COL4A2: variants seen among roughly 807,000 people sequenced by gnomAD.
COL4A2 encodes collagen type IV alpha 2 chain.
In COL4A2, 99 loss-of-function variants were observed where a neutral mutation model predicts 200.2. The ratio of observed to expected loss-of-function variants is 0.49; its 90% CI spans 0.42 to 0.58. The LOEUF is 0.58. COL4A2 is among the 20% of genes least tolerant of loss of function. The pLI, the probability that COL4A2 is intolerant of heterozygous loss-of-function variation, is 0.00. For synonymous variants in COL4A2, 897 were observed against 900.6 expected, an observed-to-expected ratio of 1.00 and a Z score of 0.07; for missense variants, 1,950 against 2,314.1, an observed-to-expected ratio of 0.84 and a Z score of 3.23.
chr13:110,458,669 C>T (rs1156324063), intron 21 of COL4A2, 102 bp from the exon 22 acceptor site: 11 of 1,417,844 alleles, frequency 7.8e-6, no homozygotes, highest in Admixed American at 1.9e-5. Context: ...GTCCATAAAG[C>T]ACCAAGTGTG....
chr13:110,430,711 A>G, intron 10 of COL4A2, 104 bp downstream of exon 10: 1 of 1,439,126 alleles, frequency 6.9e-7, no homozygotes, highest in Non-Finnish European at 9.8e-7. Context: ...TTTAAGAACA[A>G]CTATGATGCT....
intron 3 of COL4A2, among the ~76,000 whole-genome samples, chr13:110,325,097 G>A (rs963259456): frequency 1.3e-5 from 2 of 152,206 alleles, no homozygotes; most frequent in African/African-American, 4.8e-5. Context: ...GAAAACGTCT[G>A]CGTCCCCACA....
intron 4 of COL4A2, among the ~76,000 whole-genome samples, chr13:110,402,634 A>G (rs1305563453): frequency 6.6e-6 from 1 of 152,180 alleles, no homozygotes; most frequent in Non-Finnish European, 1.5e-5. Context: ...ACTGCCATGA[A>G]CAGAATATTA....
chr13:110,450,498 G>C (rs1170581789), intron 20 of COL4A2, 44 bp downstream of exon 20: 17 of 1,604,008 alleles, frequency 1.1e-5, no homozygotes, highest in Non-Finnish European at 1.4e-5. Flanking sequence ...CTAATGTTCA[G>C]ATGAAGCCCG....
chr13:110,506,764 C>T lies in COL4A2; in HGVS notation c.4594+158C>T, dbSNP rs185098626. Among the ~76,000 whole-genome samples the T allele has an allele frequency of 3.9e-4, 60 of 152,334 alleles. No individual in the cohort carries two copies. In the East Asian group the frequency reaches 6.2e-3, roughly 16 times the overall value. ...TTCCTCGAGTGCAGAAAGATTAAAA[C>T]GGCCTTTGAAGCAGAAGCCTTACAA... On this transcript the variant is annotated intron_variant, in intron 46 of 47. Transcript: ENST00000360467.
intron 3 of COL4A2, among the ~76,000 whole-genome samples, chr13:110,351,890 G>A (rs1876974122): frequency 6.6e-6 from 1 of 152,186 alleles, no homozygotes; most frequent in Non-Finnish European, 1.5e-5. Context: ...CCTGGCCAAT[G>A]CGCCTGGGAA....
At chr13:110,379,810 T>A (rs961611121) in intron 4 of COL4A2, among the ~76,000 whole-genome samples, 1 of 152,168 alleles carries the variant, frequency 6.6e-6, no homozygotes, top group Non-Finnish European at 1.5e-5. Flanking sequence ...GAGAGCCACG[T>A]TAGGATGGTG....
intron 4 of COL4A2, among the ~76,000 whole-genome samples, chr13:110,420,119 A>G (rs1927348): frequency 0.99 from 149,985 of 152,176 alleles, 73,943 homozygotes; most frequent in South Asian, 1. Context: ...GCAAGCCCCC[A>G]GGTGACGCCG....
intron 13 of COL4A2, among the ~76,000 whole-genome samples, chr13:110,437,573 T>C (rs1299451358): frequency 6.6e-6 from 1 of 152,346 alleles, no homozygotes; most frequent in Non-Finnish European, 1.5e-5. Flanking sequence ...CAACAGCCAC[T>C]TTTGCTTCAA....
chr13:110,472,162 C>A (rs1461935043), intron 28 of COL4A2, among the ~76,000 whole-genome samples: 2 of 149,092 alleles, frequency 1.3e-5, no homozygotes, highest in African/African-American at 5.0e-5. Context: ...GTCGCCCAGG[C>A]TGGAGTGCAG....
At chr13:110,402,480 A>T (rs9521744) in intron 4 of COL4A2, among the ~76,000 whole-genome samples, 88,726 of 151,472 alleles carry the variant, frequency 0.59, 26,529 homozygotes, top group Non-Finnish European at 0.66. Context: ...TGGTTCCTTG[A>T]GTCTCGGGGC....
At chr13:110,511,110 C>T (rs929125448) in intron 47 of COL4A2, among the ~76,000 whole-genome samples, 1 of 152,084 alleles carries the variant, frequency 6.6e-6, no homozygotes, top group Non-Finnish European at 1.5e-5. Flanking sequence ...AGCCCACTTA[C>T]CACTCAAAGC....
chr13:110,333,650 C>A (rs1364840211), intron 3 of COL4A2, among the ~76,000 whole-genome samples: 2 of 152,208 alleles, frequency 1.3e-5, no homozygotes, highest in South Asian at 2.1e-4. Context: ...CGCTCACGAA[C>A]CGTGGTCCTG....
At chr13:110,483,596 C>T (rs9555709) in intron 32 of COL4A2, among the ~76,000 whole-genome samples, 38,841 of 152,204 alleles carry the variant, frequency 0.26, 5,456 homozygotes, top group Non-Finnish European at 0.33. Flanking sequence ...GGCGCGTGGG[C>T]GAGCCTTGAG....
chr13:110,329,915 G>A (rs971118877), intron 3 of COL4A2, among the ~76,000 whole-genome samples: 4 of 152,174 alleles, frequency 2.6e-5, no homozygotes, highest in African/African-American at 4.8e-5. Context: ...GAGTTGGTGC[G>A]TGCAGTGAAA....
intron 4 of COL4A2, among the ~76,000 whole-genome samples, chr13:110,417,897 G>A (rs529951633): frequency 9.9e-5 from 15 of 151,890 alleles, no homozygotes; most frequent in African/African-American, 2.9e-4. Context: ...ATAGGCCTTC[G>A]TTTCTCTTAG....
chr13:110,466,589 T>G (rs1444228052), intron 26 of COL4A2, among the ~76,000 whole-genome samples: 1 of 152,250 alleles, frequency 6.6e-6, no homozygotes, highest in Non-Finnish European at 1.5e-5. Flanking sequence ...GGTGGCTGAT[T>G]GCTGTGGTTC....
chr13:110,331,128 CTCCAAAAA>C (rs990851679), intron 3 of COL4A2, among the ~76,000 whole-genome samples: 2 of 152,076 alleles, frequency 1.3e-5, no homozygotes, highest in African/African-American at 4.8e-5. Flanking sequence ...TCTTACCATC[CTCCAAAAA>C]TCAGCTTGAA....
intron 4 of COL4A2, among the ~76,000 whole-genome samples, chr13:110,387,095 T>C (rs1031598909): frequency 3.3e-5 from 5 of 151,988 alleles, no homozygotes; most frequent in Admixed American, 2.6e-4. Flanking sequence ...AAAAGTTAGC[T>C]GGCCGTGGTG....
Sources: gnomAD v4.1 joint callset for allele counts (sites outside exome capture counted in the v4.1 genomes callset) on GRCh38, gnomAD v4.1.1 for gene constraint, MANE v1.5 for transcripts, NCBI Gene and HGNC (gene_info 2026-07-23, HGNC 2026-07-21) for gene names.